Variants in ANKRD6 observed in about 807,000 individuals in gnomAD.
The protein encoded by ANKRD6 is ankyrin repeat domain 6.
A neutral mutation model predicts 82.3 loss-of-function variants in ANKRD6; 56 were observed. That is an observed-to-expected ratio of 0.68 (90% CI 0.55 to 0.85). The LOEUF (loss-of-function observed/expected upper bound fraction) is 0.85. Among genes scored for constraint, ANKRD6 ranks in the 40% least tolerant of loss-of-function variants. ANKRD6 has a pLI of 0.00. For synonymous variants in ANKRD6, 347 were observed against 352.1 expected, an observed-to-expected ratio of 0.99 and a Z score of 0.16; for missense variants, 852 against 907.6, an observed-to-expected ratio of 0.94 and a Z score of 0.79.
intron 15 of ANKRD6, 176 bp downstream of exon 15, chr6:89,629,414 G>A (rs2128283464): frequency 1.2e-6 from 1 of 840,094 alleles, no homozygotes; most frequent in African/African-American, 1.7e-5. Context: ...CAGTTGCTAT[G>A]TAATAATAAA....
rs757547179 is a variant in ANKRD6, at chr6:89,630,886, A to C, written c.2066A>C (p.Glu689Ala). The C allele has an allele frequency of 4.5e-5, 72 of 1,613,552 alleles. No individual in the cohort carries two copies. The highest frequency in any genetic ancestry group is 6.6e-5 in the South Asian group (6 of 91,038). Residue 689 changes from glutamate (E) to alanine (A), a missense_variant, in exon 16 of 16, where the codon GAA becomes GCA. By Grantham distance (107) the Glu-to-Ala change is moderately radical. Transcript: ENST00000339746. ...AAGTGGTATGAAAGGAAGATTGAAGAAGCACGAAGCCAAGCCAATCAGAAA... is the reference window on the plus strand; with the variant it reads ...AAGTGGTATGAAAGGAAGATTGAAGCAGCACGAAGCCAAGCCAATCAGAAA... ...MEKWYERKIE[E>A]ARSQANQKAQ... is the part of the protein sequence containing the mutation.
chr6:89,554,771 A>C (rs1786340736), intron 1 of ANKRD6, among the ~76,000 whole-genome samples: 1 of 152,210 alleles, frequency 6.6e-6, no homozygotes, highest in Non-Finnish European at 1.5e-5. Flanking sequence ...GACATTGTAC[A>C]CAAGACTAAC....
intron 1 of ANKRD6, among the ~76,000 whole-genome samples, chr6:89,438,862 C>T (rs922589284): frequency 2.6e-5 from 4 of 152,210 alleles, no homozygotes; most frequent in Admixed American, 2.0e-4. Flanking sequence ...AGTCTGATTT[C>T]GAACTCCTGA....
In ANKRD6 at chr6:89,630,438, G is replaced by C; in HGVS notation, c.1618G>C (p.Asp540His). Reference sequence around the variant, plus strand: ...TGTTTTCCTTCTGAAACCAGGTGTGGACCAATTAGTGGTGACTGCAGGTCC... The same window carrying C: ...TGTTTTCCTTCTGAAACCAGGTGTGCACCAATTAGTGGTGACTGCAGGTCC... ...PSTCESSTGV[D>H]QLVVTAGPAA... Residue 540 changes from aspartate to histidine, a missense_variant, in exon 16 of 16, where the codon GAC (aspartate) becomes CAC (histidine). Coordinates refer to ENST00000339746, the MANE Select transcript of ANKRD6 (RefSeq NM_001242809.2). 6 of 1,610,326 alleles carry C rather than the reference G, an allele frequency of 3.7e-6. No homozygotes were observed. Among genetic ancestry groups the C allele is most frequent in the Non-Finnish European group, 5.1e-6 (6 of 1,177,984 alleles).
Position 89,555,742 on chromosome 6 carries a change from G to A in ANKRD6, c.-143-11092G>A, listed in dbSNP as rs557305579. On this transcript the variant is annotated intron_variant, in intron 1 of 15. Transcript: ENST00000339746. ...CGGGGGAGAGGTATCAGAAGAAAAG[G>A]TGGTTGGAAACAGACTGGGATGAGA... Among the ~76,000 whole-genome samples, 55 of 152,242 alleles carry A rather than the reference G, an allele frequency of 3.6e-4. No individual in the cohort carries two copies. In the South Asian group the frequency reaches 0.011, roughly 31 times the overall value.
rs200648730 is a variant in ANKRD6, at chr6:89,525,374, G to GGC, written c.-143-41459_-143-41458dup. The stretch of plus-strand genomic sequence containing the variant: ...CCCCTGGCCTTGAGAGCTCTCAGAT[G>GGC]GCAGCAAGTTGCACTTTCTCCTGCC... On this transcript the variant is annotated intron_variant, in intron 1 of 15. Coordinates refer to ENST00000339746, the MANE Select transcript of ANKRD6 (RefSeq NM_001242809.2). 6.9e-3 allele frequency among the ~76,000 whole-genome samples: 1,039 copies of GGC among 151,648 alleles called. 7 individuals carry two copies. The highest frequency in any genetic ancestry group is 0.012 in the Non-Finnish European group (804 of 67,980).
In ANKRD6 at chr6:89,436,523, G is replaced by A. The variant is rs1028617731; in HGVS notation, c.-144+3148G>A. Reference sequence around the variant, plus strand: ...ACACCCAGTCAGGGGGTCCAAAATAGTAAACTTTGAAAACATTATGCTAGG... The same window carrying A: ...ACACCCAGTCAGGGGGTCCAAAATAATAAACTTTGAAAACATTATGCTAGG... On this transcript the variant is annotated intron_variant, in intron 1 of 15. Transcript: ENST00000339746. 2.0e-5 allele frequency among the ~76,000 whole-genome samples: 3 copies of A among 152,296 alleles called. No individual in the cohort carries two copies. In the East Asian group the frequency reaches 5.8e-4, roughly 29 times the overall value.
In ANKRD6 at chr6:89,608,368, C is replaced by CACACACACACACACACACTATA; in HGVS notation, c.417+2263_417+2264insACACACACACACACACACTATA. ...ACCCTCCCTAATACACACACACACA[C>CACACACACACACACACACTATA]TATATATATATATATATGTACAATT... is the stretch of plus-strand genomic sequence containing the variant. On this transcript the variant is annotated intron_variant, in intron 5 of 15. Transcript: ENST00000339746. 3.8e-5 allele frequency among the ~76,000 whole-genome samples: 5 copies of CACACACACACACACACACTATA among 130,812 alleles called. 1 individual carries two copies. The highest frequency in any genetic ancestry group is 1.5e-4 in the African/African-American group (5 of 32,814). 85.8% of individuals were successfully genotyped at this position (130,812 alleles called of 152,430 possible). A position where few individuals can be genotyped will look rare whatever the true frequency, so the allele number is the denominator to read the frequency against.
intron 1 of ANKRD6, among the ~76,000 whole-genome samples, chr6:89,488,325 C>T (rs1348955143): frequency 6.6e-6 from 1 of 152,192 alleles, no homozygotes; most frequent in African/African-American, 2.4e-5. Flanking sequence ...TGGCACATGC[C>T]TGCAGTCCCA....
intron 1 of ANKRD6, among the ~76,000 whole-genome samples, chr6:89,479,849 A>G (rs900785003): frequency 1.3e-5 from 2 of 152,164 alleles, no homozygotes; most frequent in Non-Finnish European, 1.5e-5. Flanking sequence ...TTACTTTTCA[A>G]AAATACTGAC....
At chr6:89,453,220 A>G (rs1773068032) in intron 1 of ANKRD6, among the ~76,000 whole-genome samples, 1 of 152,218 alleles carries the variant, frequency 6.6e-6, no homozygotes, top group African/African-American at 2.4e-5. Context: ...CTGATAAGCT[A>G]TCCTAATAAT....
At chr6:89,623,690 C>T (rs1563133599) in intron 11 of ANKRD6, 146 bp downstream of exon 11, 1 of 1,332,144 alleles carries the variant, frequency 7.5e-7, no homozygotes, top group Non-Finnish European at 1.0e-6. Context: ...ATCTGGCTAA[C>T]ATCAGACATA....
intron 1 of ANKRD6, among the ~76,000 whole-genome samples, chr6:89,526,609 T>C (rs556886765): frequency 2.6e-5 from 4 of 152,282 alleles, no homozygotes; most frequent in Admixed American, 2.0e-4. Context: ...TCCTAAACTA[T>C]GGTATTAGTC....
intron 2 of ANKRD6, among the ~76,000 whole-genome samples, chr6:89,572,572 A>G (rs571248967): frequency 2.0e-5 from 3 of 152,330 alleles, no homozygotes. Context: ...TACCTGTGCT[A>G]GCATTGTCAT....
chr6:89,495,453 AGTACAGC>A (rs1167632739), intron 1 of ANKRD6, among the ~76,000 whole-genome samples: 1 of 152,184 alleles, frequency 6.6e-6, no homozygotes, highest in African/African-American at 2.4e-5. Flanking sequence ...GGCTGAGCCC[AGTACAGC>A]TCTTTTGATG....
chr6:89,471,215 G>A (rs1408409377), intron 1 of ANKRD6, among the ~76,000 whole-genome samples: 1 of 151,994 alleles, frequency 6.6e-6, no homozygotes. Context: ...AGCTGGGTGT[G>A]GTGGCAGGCG....
intron 1 of ANKRD6, among the ~76,000 whole-genome samples, chr6:89,454,975 G>C (rs538750058): frequency 1.3e-5 from 2 of 152,094 alleles, no homozygotes; most frequent in East Asian, 3.9e-4. Context: ...CGAGTAGCTG[G>C]AATTACAGGT....
chr6:89,460,909 C>CTTTTTTTTTTT lies in ANKRD6; in HGVS notation c.-144+27543_-144+27544insTTTTTTTTTTT, dbSNP rs143153320. 2.1e-3 allele frequency among the ~76,000 whole-genome samples: 286 copies of CTTTTTTTTTTT among 135,904 alleles called. 15 individuals carry two copies. Among genetic ancestry groups the CTTTTTTTTTTT allele is most frequent in the African/African-American group, 4.7e-3 (168 of 35,540 alleles). 89.2% of individuals were successfully genotyped at this position (135,904 alleles called of 152,430 possible). A position where few individuals can be genotyped will look rare whatever the true frequency, so the allele number is the denominator to read the frequency against. On this transcript the variant is annotated intron_variant, in intron 1 of 15. Coordinates refer to ENST00000339746, the MANE Select transcript of ANKRD6 (RefSeq NM_001242809.2). ...AATACTACATCGGTGTTTTGGAATT[C>CTTTTTTTTTTT]TTTTTTTTTGAGACCGAGTCTCCCT... is the stretch of plus-strand genomic sequence containing the variant.
intron 1 of ANKRD6, among the ~76,000 whole-genome samples, chr6:89,519,578 G>T (rs948592636): frequency 6.6e-6 from 1 of 152,212 alleles, no homozygotes; most frequent in East Asian, 1.9e-4. Flanking sequence ...TTGAGGTGCT[G>T]CTTTGAAGAC....
Sources: gnomAD v4.1 joint callset for allele counts (sites outside exome capture counted in the v4.1 genomes callset) on GRCh38, gnomAD v4.1.1 for gene constraint, MANE v1.5 for transcripts, NCBI Gene and HGNC (gene_info 2026-07-23, HGNC 2026-07-21) for gene names.